The following FALEC variants were observed in gnomAD, a reference collection of about 807,000 sequenced individuals.
FALEC encodes focally amplified lncRNA on chromosome 1.
exon 1 of FALEC, chr1:150,515,766 C>T (rs1297892306): frequency 1.3e-5 from 2 of 152,416 alleles, no homozygotes; most frequent in African/African-American, 4.8e-5. Context: ...TGCGCATCTC[C>T]TACGGCCTCC....
chr1:150,529,844 A>G, the FALEC span, among the ~76,000 whole-genome samples: 1 of 151,936 alleles, frequency 6.6e-6, no homozygotes. Flanking sequence ...TGATCCGCCC[A>G]CCTCAGCCTC....
chr1:150,521,419 G>A (rs909495630), downstream of FALEC, among the ~76,000 whole-genome samples: 2 of 152,194 alleles, frequency 1.3e-5, no homozygotes, highest in African/African-American at 4.8e-5. Context: ...AGTTTGTGGT[G>A]CAATGGTACC....
chr1:150,532,855 T>TG, the FALEC span, among the ~76,000 whole-genome samples: 2 of 152,046 alleles, frequency 1.3e-5, no homozygotes, highest in Non-Finnish European at 2.9e-5. Context: ...AAAAGGGTGC[T>TG]GGGGGGTGGG....
chr1:150,529,041 C>CAAAAAAAAAAAAAAAAA, the FALEC span, among the ~76,000 whole-genome samples: 81 of 58,632 alleles, frequency 1.4e-3, no homozygotes, highest in Non-Finnish European at 1.8e-3. Flanking sequence ...AAAAAAAAAT[C>CAAAAAAAAAAAAAAAAA]AAAGGATCTA....
chr1:150,535,883 G>T, the FALEC span, among the ~76,000 whole-genome samples: 2 of 152,170 alleles, frequency 1.3e-5, no homozygotes, highest in African/African-American at 4.8e-5. Context: ...TGCACCTGGG[G>T]CTTAGAGCAC....
the FALEC span, among the ~76,000 whole-genome samples, chr1:150,533,252 C>G: frequency 6.6e-6 from 1 of 152,136 alleles, no homozygotes; most frequent in Non-Finnish European, 1.5e-5. Flanking sequence ...CAGCAGAGGG[C>G]ACCCGTGGGT....
the FALEC span, among the ~76,000 whole-genome samples, chr1:150,532,433 C>T: frequency 6.6e-6 from 1 of 152,146 alleles, no homozygotes; most frequent in Non-Finnish European, 1.5e-5. Flanking sequence ...TGAAATACCC[C>T]AGGCATAAAA....
At chr1:150,536,305 G>A in the FALEC span, among the ~76,000 whole-genome samples, 1 of 152,194 alleles carries the variant, frequency 6.6e-6, no homozygotes, top group Admixed American at 6.5e-5. Context: ...GGCAGGTGGT[G>A]GCCATAGAAT....
chr1:150,522,896 T>TATATATAC (rs1670667115), downstream of FALEC, among the ~76,000 whole-genome samples: 11 of 67,354 alleles, frequency 1.6e-4, 1 homozygote, highest in African/African-American at 2.9e-4. Flanking sequence ...TACGTATATA[T>TATATATAC]ATATATACAT....
chr1:150,517,296 C>CTAA (rs1670579901), intron 1 of FALEC, among the ~76,000 whole-genome samples: 1 of 93,228 alleles, frequency 1.1e-5, no homozygotes. Flanking sequence ...GACTCCGTCT[C>CTAA]AAAAAAAAAA....
At chr1:150,524,841 ATAAAT>A in the FALEC span, among the ~76,000 whole-genome samples, 1 of 152,178 alleles carries the variant, frequency 6.6e-6, no homozygotes, top group South Asian at 2.1e-4. Context: ...AAAAATAAAA[ATAAAT>A]TAGAGTGGTG....
At chr1:150,521,428 C>A (rs1670642073), downstream of FALEC, among the ~76,000 whole-genome samples, 1 of 152,178 alleles carries the variant, frequency 6.6e-6, no homozygotes, top group South Asian at 2.1e-4. Context: ...TGCAATGGTA[C>A]CTCAGTATGG....
rs144396488 is a variant in FALEC at position 150,516,785 on chromosome 1, A to G, written n.306+723A>G. Among the ~76,000 whole-genome samples the G allele has an allele frequency of 5.3e-5, 8 of 152,346 alleles. No individual in the cohort carries two copies. The East Asian group carries it at 1.2e-3, about 22-fold the overall frequency. ...GATATACAAAGCATTGAATGTATGC[A>G]AAGTTCAGCTAAAGTAAACAGTCCT... On this transcript the variant is annotated intron_variant and non_coding_transcript_variant, in intron 1 of 1. Coordinates refer to ENST00000416894, the Ensembl canonical transcript of FALEC.
chr1:150,516,159 C>T (rs1390086101), intron 1 of FALEC: 1 of 151,674 alleles, frequency 6.6e-6, no homozygotes, highest in African/African-American at 2.4e-5. Context: ...GAGGCTGAGG[C>T]AGAGAATTGC....
chr1:150,533,662 C>T, the FALEC span, among the ~76,000 whole-genome samples: 95 of 152,170 alleles, frequency 6.2e-4, no homozygotes, highest in African/African-American at 2.3e-3. Context: ...GTCTCAAACT[C>T]CTGACCTCAG....
At chr1:150,530,333 G>C in the FALEC span, among the ~76,000 whole-genome samples, 2 of 152,118 alleles carry the variant, frequency 1.3e-5, no homozygotes, top group South Asian at 2.1e-4. Flanking sequence ...ACTTTGAATC[G>C]GGAGGCAGCA....
chr1:150,520,634 A>G (rs1468273982), downstream of FALEC, among the ~76,000 whole-genome samples: 1 of 152,128 alleles, frequency 6.6e-6, no homozygotes, highest in Non-Finnish European at 1.5e-5. Flanking sequence ...TGAATAATGC[A>G]CAATTATTTC....
the FALEC span, among the ~76,000 whole-genome samples, chr1:150,535,005 C>T: frequency 6.6e-6 from 1 of 152,134 alleles, no homozygotes; most frequent in African/African-American, 2.4e-5. Flanking sequence ...TCTGGGTCCA[C>T]GAGCCGGGGA....
At chr1:150,533,430 CTTTTTTT>C in the FALEC span, among the ~76,000 whole-genome samples, 2 of 97,672 alleles carry the variant, frequency 2.0e-5, no homozygotes, top group African/African-American at 4.1e-5. Context: ...AGAACCAGAG[CTTTTTTT>C]TTTTTTTTTT....
Sources: allele counts gnomAD v4.1 joint callset (sites outside exome capture counted in the v4.1 genomes callset), GRCh38; gene constraint gnomAD v4.1.1; transcripts MANE v1.5; gene names NCBI Gene and HGNC (gene_info 2026-07-23, HGNC 2026-07-21).